The following PHKB variants were observed in gnomAD, a reference collection of about 807,000 sequenced individuals.
PHKB encodes phosphorylase kinase regulatory subunit beta.
Under a neutral mutation model 152.1 loss-of-function variants are expected in PHKB, and 122 were observed. The ratio of observed to expected loss-of-function variants is 0.80; its 90% CI spans 0.69 to 0.93. The LOEUF (loss-of-function observed/expected upper bound fraction) is 0.93, where lower values mean the gene tolerates loss of function less well. PHKB is among the 40% of genes least tolerant of loss of function. The pLI, the probability that PHKB is intolerant of heterozygous loss-of-function variation, is 0.00. For synonymous variants in PHKB, 436 were observed against 464.9 expected (o/e 0.94, Z 0.80); for missense variants, 1,304 against 1,328.4 (o/e 0.98, Z 0.29).
chr16:47,653,293 T>C (rs1198437533), intron 20 of PHKB, among the ~76,000 whole-genome samples: 1 of 152,154 alleles, frequency 6.6e-6, no homozygotes, highest in Non-Finnish European at 1.5e-5. Context: ...TATCTCCTGC[T>C]CTCCACTGTG....
At chr16:47,511,580 A>T in intron 4 of PHKB, 85 bp from the exon 5 acceptor site, 1 of 973,718 alleles carries the variant, frequency 1.0e-6, no homozygotes, top group Admixed American at 1.7e-5. Flanking sequence ...TTCATTAAAA[A>T]GTTTCATGAA....
intron 1 of PHKB, among the ~76,000 whole-genome samples, chr16:47,486,392 G>A (rs1438580088): frequency 6.6e-6 from 1 of 152,186 alleles, no homozygotes; most frequent in Non-Finnish European, 1.5e-5. Context: ...TTAAGAAGAA[G>A]AAATTATTGC....
At chr16:47,607,440 C>G (rs1972346107) in intron 13 of PHKB, among the ~76,000 whole-genome samples, 1 of 152,104 alleles carries the variant, frequency 6.6e-6, no homozygotes, top group Non-Finnish European at 1.5e-5. Flanking sequence ...TGATAATGGA[C>G]CTTTGTGTCT....
intron 14 of PHKB, among the ~76,000 whole-genome samples, chr16:47,627,881 G>A (rs1402984820): frequency 6.6e-6 from 1 of 152,180 alleles, no homozygotes; most frequent in Non-Finnish European, 1.5e-5. Flanking sequence ...GGCTTCTATG[G>A]GAAAAATACT....
intron 14 of PHKB, among the ~76,000 whole-genome samples, chr16:47,631,668 C>A (rs1972829894): frequency 6.6e-6 from 1 of 152,114 alleles, no homozygotes; most frequent in African/African-American, 2.4e-5. Flanking sequence ...GTGATGTTCC[C>A]CTCTCTGTGT....
At chr16:47,596,242 G>A (rs1301261280) in intron 12 of PHKB, 131 bp from the exon 13 acceptor site, 9 of 664,540 alleles carry the variant, frequency 1.4e-5, no homozygotes, top group Non-Finnish European at 2.3e-5. Flanking sequence ...CCCCAGCCAT[G>A]TGGAACTGTG....
intron 12 of PHKB, among the ~76,000 whole-genome samples, chr16:47,596,025 T>G (rs1291089491): frequency 6.6e-6 from 1 of 152,220 alleles, no homozygotes; most frequent in Non-Finnish European, 1.5e-5. Flanking sequence ...AAAGCTCAGC[T>G]TGAATTACAG....
At chr16:47,697,682 G>C (rs981879483) in intron 29 of PHKB, among the ~76,000 whole-genome samples, 1 of 152,170 alleles carries the variant, frequency 6.6e-6, no homozygotes, top group Admixed American at 6.5e-5. Context: ...GAACTATGAG[G>C]CGTGTTTCCT....
At position 47,696,617 on chromosome 16, in the gene PHKB, C is replaced by A. The variant is rs566288293; in HGVS notation, c.3003+129C>A. On this transcript the variant is annotated intron_variant, in intron 29 of 30. Coordinates refer to ENST00000323584, the MANE Select transcript of PHKB (RefSeq NM_000293.3). Reference sequence around the variant, plus strand: ...CAGTACCCCGATCTCTCCTGTGAGACCCAGAACCCTATTCTTTCCGGAACC... The same window carrying A: ...CAGTACCCCGATCTCTCCTGTGAGAACCAGAACCCTATTCTTTCCGGAACC... The A allele has an allele frequency of 2.8e-5, 20 of 707,750 alleles. No individual in the cohort carries two copies. The East Asian group carries it at 4.6e-4, about 16-fold the overall frequency. The allele number at this position is 707,750 out of a possible 1,614,324, so 43.8% of individuals were successfully genotyped here. A position where few individuals can be genotyped will look rare whatever the true frequency, so the allele number is the denominator to read the frequency against.
chr16:47,700,071 C>T lies in PHKB; in HGVS notation c.*705C>T, dbSNP rs559141850. 3 of 152,882 alleles carry T rather than the reference C, an allele frequency of 2.0e-5. No homozygotes were observed. Among genetic ancestry groups the T allele is most frequent in the African/African-American group, 4.8e-5 (2 of 41,516 alleles). The allele number at this position is 152,882 out of a possible 1,614,324, so 9.5% of individuals were successfully genotyped here. A position where few individuals can be genotyped will look rare whatever the true frequency, so the allele number is the denominator to read the frequency against. ...TTCAAAAATATGTTAAATTTAGGCT[C>T]AGCACAGTAGCTCACACCTGAAATC... On this transcript the variant is annotated 3_prime_UTR_variant, in exon 31 of 31. Transcript: ENST00000323584.
intron 1 of PHKB, among the ~76,000 whole-genome samples, chr16:47,465,151 A>G (rs1213115687): frequency 2.0e-5 from 3 of 152,270 alleles, no homozygotes; most frequent in Non-Finnish European, 4.4e-5. Flanking sequence ...GTCATCTGCT[A>G]AATGACAAAA....
At chr16:47,580,262 T>A in intron 7 of PHKB, 33 bp from the exon 8 acceptor site, 1 of 1,550,342 alleles carries the variant, frequency 6.5e-7, no homozygotes. Flanking sequence ...CCACATACAT[T>A]AGAGTAATAA....
In PHKB at chr16:47,677,940, C is replaced by T. The variant is rs1225854723; in HGVS notation, c.2630+8523C>T. On this transcript the variant is annotated intron_variant, in intron 26 of 30. Transcript: ENST00000323584. Reference sequence around the variant, plus strand: ...CCCCCTCCCCCGACCCCACAACAGTCCCCGGAGTGTGATATTCCCCTTCCT... The same window carrying T: ...CCCCCTCCCCCGACCCCACAACAGTTCCCGGAGTGTGATATTCCCCTTCCT... Among the ~76,000 whole-genome samples, 4 of 125,282 alleles carry T rather than the reference C, an allele frequency of 3.2e-5. No individual in the cohort carries two copies. The East Asian group carries it at 1.1e-3, about 34-fold the overall frequency. The allele number at this position is 125,282 out of a possible 152,430, so 82.2% of individuals were successfully genotyped here.
chr16:47,616,455 AAT>A (rs1391760063), intron 14 of PHKB, among the ~76,000 whole-genome samples: 1 of 146,876 alleles, frequency 6.8e-6, no homozygotes, highest in East Asian at 1.9e-4. Flanking sequence ...AATAAAGTAA[AAT>A]ATATATGATA....
chr16:47,470,415 G>A (rs974834236), intron 1 of PHKB, among the ~76,000 whole-genome samples: 2 of 152,194 alleles, frequency 1.3e-5, no homozygotes, highest in African/African-American at 2.4e-5. Context: ...GCGGTTTTAG[G>A]CCCTGGGCGG....
At chr16:47,547,782 C>G (rs1323887667) in intron 7 of PHKB, 5 of 481,376 alleles carry the variant, frequency 1.0e-5, no homozygotes, top group African/African-American at 5.9e-5. Flanking sequence ...CCCAAGGTGT[C>G]AGTACATGCA....
Position 47,660,833 on chromosome 16 carries a change from A to G in PHKB, c.2196+14A>G, listed in dbSNP as rs751084282. The stretch of plus-strand genomic sequence containing the variant: ...CAAAAACTGAATGTGAGACAGATGC[A>G]CTTCCCACATGGCCCTAAGTGAGGT... On this transcript the variant is annotated intron_variant, in intron 22 of 30. Transcript: ENST00000323584. The G allele has an allele frequency of 4.2e-5, 67 of 1,613,300 alleles. No individual in the cohort carries two copies. Among genetic ancestry groups the G allele is most frequent in the Middle Eastern group, 1.6e-4 (1 of 6,078 alleles).
intron 20 of PHKB, among the ~76,000 whole-genome samples, chr16:47,654,185 G>A (rs779453744): frequency 2.9e-4 from 44 of 152,130 alleles, no homozygotes; most frequent in Non-Finnish European, 4.9e-4. Context: ...AGACATAGAC[G>A]TCAGAATAAC....
chr16:47,495,051 T>A (rs1970209055), intron 1 of PHKB, among the ~76,000 whole-genome samples: 1 of 152,180 alleles, frequency 6.6e-6, no homozygotes, highest in Non-Finnish European at 1.5e-5. Context: ...TTTGAATGTA[T>A]AATTTAGATG....
Sources: gnomAD v4.1 joint callset for allele counts (sites outside exome capture counted in the v4.1 genomes callset) on GRCh38, gnomAD v4.1.1 for gene constraint, MANE v1.5 for transcripts, NCBI Gene and HGNC (gene_info 2026-07-23, HGNC 2026-07-21) for gene names.